Variants in LRBA observed in about 807,000 individuals in gnomAD.
LRBA encodes the protein lipopolysaccharide-responsive and beige-like anchor protein.
Under a neutral mutation model 330.0 loss-of-function variants are expected in LRBA, and 176 were observed. That is an observed-to-expected ratio of 0.53 (90% confidence interval 0.47 to 0.60). LRBA has a LOEUF of 0.60. Ranked by LOEUF, LRBA falls within the 20% of genes least tolerant of loss-of-function variation. The pLI, the probability that LRBA is intolerant of heterozygous loss-of-function variation, is 0.00. For missense variants in LRBA, 3,259 were observed against 3,444.8 expected (o/e 0.95, Z 1.35); for synonymous variants, 1,230 against 1,193.0 (o/e 1.03, Z -0.64).
At chr4:150,339,331 T>C (rs1735176021) in intron 48 of LRBA, among the ~76,000 whole-genome samples, 1 of 152,118 alleles carries the variant, frequency 6.6e-6, no homozygotes, top group Non-Finnish European at 1.5e-5. Context: ...TTATAGACGG[T>C]CAGTACCCTA....
intron 2 of LRBA, among the ~76,000 whole-genome samples, chr4:150,997,042 T>A (rs1308207432): frequency 6.6e-6 from 1 of 152,240 alleles, no homozygotes; most frequent in Non-Finnish European, 1.5e-5. Context: ...TTTCTTTTTT[T>A]ATTTTTATTT....
chr4:150,383,234 T>G (rs1742549850), intron 47 of LRBA, among the ~76,000 whole-genome samples: 1 of 152,172 alleles, frequency 6.6e-6, no homozygotes, highest in Non-Finnish European at 1.5e-5. Flanking sequence ...AATATAATTA[T>G]CAGTTTTTAG....
At chr4:150,886,829 G>C (rs1470389490) in intron 17 of LRBA, among the ~76,000 whole-genome samples, 1 of 152,128 alleles carries the variant, frequency 6.6e-6, no homozygotes, top group Non-Finnish European at 1.5e-5. Context: ...AACATACAAA[G>C]AGCCAAGAAA....
chr4:150,844,084 A>G lies in LRBA; in HGVS notation c.4569+16T>C. On this transcript the variant is annotated intron_variant, in intron 28 of 56. Transcript: ENST00000651943. Reference sequence around the variant, plus strand: ...CATCAGTTAAGAGAGTATGTGAAAGACATATTGTAACTTACTATGTCTCTG... The same window carrying G: ...CATCAGTTAAGAGAGTATGTGAAAGGCATATTGTAACTTACTATGTCTCTG... The G allele has an allele frequency of 6.9e-7, 1 of 1,449,910 alleles. No individual in the cohort carries two copies. Among genetic ancestry groups the G allele is most frequent in the Non-Finnish European group, 9.7e-7 (1 of 1,033,780 alleles). The allele number at this position is 1,449,910 out of a possible 1,614,324, so 89.8% of individuals were successfully genotyped here.
chr4:150,846,880 G>A (rs192281850), intron 26 of LRBA, among the ~76,000 whole-genome samples: 123 of 151,954 alleles, frequency 8.1e-4, no homozygotes, highest in Middle Eastern at 3.4e-3. Flanking sequence ...ATTCTTTTCC[G>A]TGGCTATGAA....
chr4:150,412,642 TA>T, intron 47 of LRBA, among the ~76,000 whole-genome samples: 1 of 152,184 alleles, frequency 6.6e-6, no homozygotes, highest in Non-Finnish European at 1.5e-5. Context: ...AGAGCTCCTT[TA>T]AAGTGAAGTA....
intron 48 of LRBA, among the ~76,000 whole-genome samples, chr4:150,326,524 G>A (rs151328261): frequency 2.9e-3 from 436 of 152,260 alleles, no homozygotes; most frequent in Non-Finnish European, 4.1e-3. Flanking sequence ...TTTGAAAGAC[G>A]TGTGCTTTTG....
intron 20 of LRBA, among the ~76,000 whole-genome samples, chr4:150,868,509 C>A (rs1560939094): frequency 6.6e-6 from 1 of 151,998 alleles, no homozygotes; most frequent in South Asian, 2.1e-4. Flanking sequence ...AAGGAAATTT[C>A]TTTCATGATT....
At chr4:150,344,929 A>G (rs1267703308) in intron 48 of LRBA, among the ~76,000 whole-genome samples, 4 of 152,048 alleles carry the variant, frequency 2.6e-5, no homozygotes, top group African/African-American at 7.2e-5. Flanking sequence ...GCTAACCTTT[A>G]CTTCATTCCA....
At chr4:150,705,830 GC>G (rs1265677328) in intron 36 of LRBA, among the ~76,000 whole-genome samples, 1 of 151,788 alleles carries the variant, frequency 6.6e-6, no homozygotes, top group Non-Finnish European at 1.5e-5. Flanking sequence ...CAGATCAAAG[GC>G]TATGTCATAC....
intron 48 of LRBA, among the ~76,000 whole-genome samples, chr4:150,348,782 A>G (rs1224717988): frequency 6.6e-6 from 1 of 152,184 alleles, no homozygotes; most frequent in African/African-American, 2.4e-5. Flanking sequence ...AAGAAAGTAA[A>G]TAGGCCTATG....
intron 40 of LRBA, among the ~76,000 whole-genome samples, chr4:150,492,297 AGG>A (rs925617799): frequency 6.6e-5 from 10 of 152,126 alleles, no homozygotes; most frequent in African/African-American, 2.4e-4. Flanking sequence ...TATAACTCTA[AGG>A]GAGAGTGTTT....
intron 37 of LRBA, among the ~76,000 whole-genome samples, chr4:150,649,516 A>G (rs536315807): frequency 7.8e-4 from 119 of 152,296 alleles, no homozygotes; most frequent in Non-Finnish European, 1.3e-3. Flanking sequence ...ACTTTGATCT[A>G]TAACTCCTAT....
At chr4:150,837,733 G>C (rs956717797) in intron 28 of LRBA, among the ~76,000 whole-genome samples, 1 of 152,180 alleles carries the variant, frequency 6.6e-6, no homozygotes. Flanking sequence ...GATGGGTCTT[G>C]ACTCTTTACC....
chr4:150,897,141 AAGTT>A (rs1273383659), intron 15 of LRBA, among the ~76,000 whole-genome samples: 2 of 152,018 alleles, frequency 1.3e-5, no homozygotes, highest in Admixed American at 1.3e-4. Context: ...GGTATACTAA[AAGTT>A]AGGTTCACTT....
intron 36 of LRBA, among the ~76,000 whole-genome samples, chr4:150,711,054 A>G (rs1561540390): frequency 6.6e-6 from 1 of 151,836 alleles, no homozygotes; most frequent in Non-Finnish European, 1.5e-5. Flanking sequence ...AGCTACATCA[A>G]AAAAAATTTG....
chr4:150,589,575 GA>G (rs1009047088), intron 39 of LRBA, among the ~76,000 whole-genome samples: 8 of 152,316 alleles, frequency 5.3e-5, no homozygotes, highest in African/African-American at 1.9e-4. Flanking sequence ...ATCACTCTCA[GA>G]CATTCAATTA....
chr4:150,721,114 G>A (rs974429006), intron 36 of LRBA: 2 of 593,850 alleles, frequency 3.4e-6, no homozygotes. Context: ...TTACACACAT[G>A]GGGAGATACT....
At chr4:150,598,967 G>A in intron 38 of LRBA, 40 bp downstream of exon 38, 1 of 1,611,874 alleles carries the variant, frequency 6.2e-7, no homozygotes, top group Non-Finnish European at 8.5e-7. Context: ...ACCAAGTCCT[G>A]TACCTGCTGC....
Sources: allele counts gnomAD v4.1 joint callset (sites outside exome capture counted in the v4.1 genomes callset), GRCh38; gene constraint gnomAD v4.1.1; transcripts MANE v1.5; gene names NCBI Gene and HGNC (gene_info 2026-07-23, HGNC 2026-07-21).